PCDHA5: variants seen among roughly 807,000 people sequenced by gnomAD.
PCDHA5 encodes protocadherin alpha 5.
A neutral mutation model predicts 61.6 loss-of-function variants in PCDHA5; 43 were observed. That is an observed-to-expected ratio of 0.70 (90% CI 0.55 to 0.90). The LOEUF (loss-of-function observed/expected upper bound fraction) is 0.90. Among genes scored for constraint, PCDHA5 ranks in the 40% least tolerant of loss-of-function variants. The pLI, the probability that PCDHA5 is intolerant of heterozygous loss-of-function variation, is 0.00. For synonymous variants in PCDHA5, 627 were observed against 543.9 expected (o/e 1.15, Z -2.13); for missense variants, 1,298 against 1,222.7 (o/e 1.06, Z -0.92).
intron 1 of PCDHA5, chr5:140,870,801 G>A: frequency 6.2e-7 from 1 of 1,613,670 alleles, no homozygotes; most frequent in Non-Finnish European, 8.5e-7. Context: ...CACTGCTGGC[G>A]ACTCAGGCTG....
intron 1 of PCDHA5, chr5:140,875,319 A>T: frequency 7.0e-7 from 1 of 1,428,968 alleles, no homozygotes; most frequent in South Asian, 1.6e-5. Context: ...CATTCCAATC[A>T]TTCACGGAAT....
chr5:140,999,693 AT>A (rs202183337), intron 3 of PCDHA5, among the ~76,000 whole-genome samples: 13 of 151,522 alleles, frequency 8.6e-5, no homozygotes, highest in African/African-American at 2.4e-4. Flanking sequence ...AAGAAATGTG[AT>A]TTTTTTTTAG....
At chr5:140,852,683 T>C (rs2042437090) in intron 1 of PCDHA5, 5 of 971,736 alleles carry the variant, frequency 5.1e-6, no homozygotes, top group Non-Finnish European at 6.2e-6. Flanking sequence ...ACCTTGAATA[T>C]AGTCTTATAC....
At position 140,828,716 on chromosome 5, in the gene PCDHA5, A is replaced by C. The variant is rs142386076; in HGVS notation, c.2352+4589A>C. On this transcript the variant is annotated intron_variant, in intron 1 of 3. Coordinates refer to ENST00000529859, the MANE Select transcript of PCDHA5 (RefSeq NM_018908.3). ...GGACAGAGAGGAAGCTCCTGCACACAACTTATTCCTGACAGCCACAGATGG... is the reference window on the plus strand; with the variant it reads ...GGACAGAGAGGAAGCTCCTGCACACCACTTATTCCTGACAGCCACAGATGG... The C allele has an allele frequency of 1.3e-4, 211 of 1,614,274 alleles. No homozygotes were observed. In the African/African-American group the frequency reaches 2.2e-3, roughly 17 times the overall value.
intron 1 of PCDHA5, among the ~76,000 whole-genome samples, chr5:140,878,484 A>G (rs1285844908): frequency 6.6e-6 from 1 of 152,190 alleles, no homozygotes; most frequent in African/African-American, 2.4e-5. Flanking sequence ...CAATTTAAAA[A>G]TATTTAACCA....
At chr5:140,884,908 T>C (rs1056953779) in intron 1 of PCDHA5, among the ~76,000 whole-genome samples, 1 of 152,234 alleles carries the variant, frequency 6.6e-6, no homozygotes, top group Admixed American at 6.5e-5. Flanking sequence ...TGTTGTATTC[T>C]TAATAGTTCT....
Position 140,835,739 on chromosome 5 carries a change from C to G in PCDHA5, c.2352+11612C>G, listed in dbSNP as rs185499663. On this transcript the variant is annotated intron_variant, in intron 1 of 3. Transcript: ENST00000529859. ...AGGTGGCCGACGTGAACGACAACGC[C>G]CCGGCGTTCGCGCAGCCCGAGTATA... The G allele has an allele frequency of 4.3e-6, 7 of 1,613,474 alleles. No individual in the cohort carries two copies. In the African/African-American group the frequency reaches 5.3e-5, roughly 12 times the overall value.
chr5:140,977,518 G>C (rs1328241179), intron 1 of PCDHA5, among the ~76,000 whole-genome samples: 5 of 152,166 alleles, frequency 3.3e-5, no homozygotes, highest in African/African-American at 7.2e-5. Context: ...TTGTGAACTT[G>C]AAAACAAAGG....
chr5:140,914,724 G>A (rs923867157), intron 1 of PCDHA5, among the ~76,000 whole-genome samples: 1 of 150,732 alleles, frequency 6.6e-6, no homozygotes, highest in Non-Finnish European at 1.5e-5. Flanking sequence ...TTTATTTTTT[G>A]TGTATCCATT....
chr5:140,911,885 A>T (rs1242639819), intron 1 of PCDHA5, among the ~76,000 whole-genome samples: 1 of 152,216 alleles, frequency 6.6e-6, no homozygotes, highest in Non-Finnish European at 1.5e-5. Flanking sequence ...TCCTGGGACC[A>T]AAATCTGTAT....
At chr5:140,863,220 G>C in intron 1 of PCDHA5, 1 of 1,115,318 alleles carries the variant, frequency 9.0e-7, no homozygotes, top group African/African-American at 1.6e-5. Flanking sequence ...GCCAAGCGAG[G>C]AAGGTCCCAT....
chr5:140,847,333 C>T (rs2150399030), intron 1 of PCDHA5: 10 of 149,874 alleles, frequency 6.7e-5, no homozygotes, highest in African/African-American at 1.9e-4. Flanking sequence ...TTGTTAAATG[C>T]ACCTCTTAGG....
chr5:140,967,645 G>A lies in PCDHA5; in HGVS notation c.2353-11304G>A, dbSNP rs782043521. ...ATGAGGGCTCCAATGGTGAGCTCAG[G>A]TACTCCTTGAGCAGCTACACGTCGG... On this transcript the variant is annotated intron_variant, in intron 1 of 3. Transcript: ENST00000529859. 1.9e-5 allele frequency: 30 copies of A among 1,614,144 alleles called. 1 individual carries two copies. In the South Asian group the frequency reaches 3.2e-4, roughly 17 times the overall value.
chr5:140,971,000 T>G (rs1409787417), intron 1 of PCDHA5, among the ~76,000 whole-genome samples: 2 of 152,196 alleles, frequency 1.3e-5, no homozygotes, highest in African/African-American at 4.8e-5. Flanking sequence ...ATCAAAGAGT[T>G]TCCAGAAGTC....
chr5:141,010,255 C>T lies in PCDHA5; in HGVS notation c.*318C>T. The T allele has an allele frequency of 6.4e-7, 1 of 1,551,816 alleles. No homozygotes were observed. Among genetic ancestry groups the T allele is most frequent in the Non-Finnish European group, 8.7e-7 (1 of 1,147,020 alleles). ...CCAGTGAGAGGTTGGACTCTCTGCC[C>T]TGTGCTCCGGGGATCCTGTCTTGAT... is the stretch of plus-strand genomic sequence containing the variant. On this transcript the variant is annotated 3_prime_UTR_variant, in exon 4 of 4. Coordinates refer to ENST00000529859, the MANE Select transcript of PCDHA5 (RefSeq NM_018908.3).
intron 1 of PCDHA5, chr5:140,928,209 T>C: frequency 6.2e-7 from 1 of 1,614,222 alleles, no homozygotes; most frequent in South Asian, 1.1e-5. Flanking sequence ...CTGATGTGAA[T>C]GACAATACAC....
intron 3 of PCDHA5, among the ~76,000 whole-genome samples, chr5:140,992,214 C>G (rs2097499658): frequency 6.6e-6 from 1 of 152,152 alleles, no homozygotes; most frequent in Non-Finnish European, 1.5e-5. Flanking sequence ...ATAAACTACT[C>G]TCCCTTCCTG....
intron 1 of PCDHA5, chr5:140,860,225 A>ATATATATATGT (rs2046281831): frequency 6.6e-6 from 1 of 151,528 alleles, no homozygotes; most frequent in Non-Finnish European, 1.5e-5. Context: ...ATGTATATAT[A>ATATATATATGT]AGCCAGGCAT....
chr5:140,881,039 A>G (rs1554171692), intron 1 of PCDHA5, among the ~76,000 whole-genome samples: 1 of 152,262 alleles, frequency 6.6e-6, no homozygotes, highest in Non-Finnish European at 1.5e-5. Context: ...CATTTCCTAT[A>G]GAGTTGTGCA....
Sources: gnomAD v4.1 joint callset for allele counts (sites outside exome capture counted in the v4.1 genomes callset) on GRCh38, gnomAD v4.1.1 for gene constraint, MANE v1.5 for transcripts, NCBI Gene and HGNC (gene_info 2026-07-23, HGNC 2026-07-21) for gene names.